Variants in KIRREL3 observed in about 807,000 individuals in gnomAD.
KIRREL3 encodes the protein kin of IRRE-like protein 3.
In KIRREL3, 36 loss-of-function variants were observed where a neutral mutation model predicts 89.7. The observed-to-expected ratio is 0.40, with a 90% CI of 0.31 to 0.53. The LOEUF is 0.53. Ranked by LOEUF, KIRREL3 falls within the 20% of genes least tolerant of loss-of-function variation. KIRREL3 has a pLI of 0.49. For synonymous variants in KIRREL3, 445 were observed against 441.4 expected (o/e 1.01, Z -0.10); for missense variants, 864 against 1,056.6 (o/e 0.82, Z 2.53).
At chr11:126,828,631 G>A (rs1943498649) in intron 1 of KIRREL3, among the ~76,000 whole-genome samples, 2 of 152,214 alleles carry the variant, frequency 1.3e-5, no homozygotes, top group African/African-American at 4.8e-5. Flanking sequence ...CGAGAATGGT[G>A]CTTCCTTAGG....
In KIRREL3 at chr11:126,677,913, C is replaced by A. The variant is rs1660587246; in HGVS notation, c.56-115001G>T. ...GATTATGGCTGTTGTCACCACCAAG[C>A]CCTGTCTTGTCATCAGCCTCAGTGT... On this transcript the variant is annotated intron_variant, in intron 1 of 16. Transcript: ENST00000525144. The surrounding 1 kb of genome is among the most constrained non-coding windows in gnomAD (Gnocchi z 5.1). Among the ~76,000 whole-genome samples, 1 of 152,138 alleles carries A rather than the reference C, an allele frequency of 6.6e-6. No homozygotes were observed. The highest frequency in any genetic ancestry group is 2.1e-4 in the South Asian group (1 of 4,822).
rs1422633004 is a variant in KIRREL3 at position 126,782,092 on chromosome 11, TCC to T, written c.55+218361_55+218362del. Among the ~76,000 whole-genome samples, 3 of 152,130 alleles carry T rather than the reference TCC, an allele frequency of 2.0e-5. No individual in the cohort carries two copies. The highest frequency in any genetic ancestry group is 7.2e-5 in the African/African-American group (3 of 41,414). On this transcript the variant is annotated intron_variant, in intron 1 of 16. Transcript: ENST00000525144. The surrounding 1 kb of genome is among the most constrained non-coding windows in gnomAD (Gnocchi z 4.1). The stretch of plus-strand genomic sequence containing the variant: ...ATGTGCTCAGCATATAATTTCCTCC[TCC>T]TGGGTTCACAGGAAGACAGGCATTG...
rs202048450 is a variant in KIRREL3, at chr11:126,695,960, A to G, written c.56-133048T>C. 1.6e-4 allele frequency among the ~76,000 whole-genome samples: 25 copies of G among 152,240 alleles called. No homozygotes were observed. The East Asian group carries it at 4.4e-3, about 27-fold the overall frequency. ...CTGCCTCCTCATATGCTTTGCTAAG[A>G]AAACCTGGATGAGTCGGGCGAGGTG... On this transcript the variant is annotated intron_variant, in intron 1 of 16. Coordinates refer to ENST00000525144, the MANE Select transcript of KIRREL3 (RefSeq NM_032531.4).
intron 1 of KIRREL3, chr11:126,944,966 G>A (rs1948575400): frequency 2.6e-5 from 4 of 152,144 alleles, no homozygotes; most frequent in Admixed American, 2.6e-4. Flanking sequence ...GTTTACTGGA[G>A]TCCTATGTGG....
At chr11:126,727,762 C>T (rs12799460) in intron 1 of KIRREL3, among the ~76,000 whole-genome samples, 9,088 of 152,298 alleles carry the variant, frequency 0.06, 460 homozygotes, top group African/African-American at 0.13. Flanking sequence ...TACGGAAACG[C>T]TGTCTCTGTG....
At position 126,526,398 on chromosome 11, in the gene KIRREL3, ACTCT is replaced by A; in HGVS notation, c.283+136_283+139del. On this transcript the variant is annotated intron_variant, in intron 3 of 16. Transcript: ENST00000525144. The surrounding 1 kb of genome is among the most constrained non-coding windows in gnomAD (Gnocchi z 5.7). ...CTGGGTGCAGTGCTTGCCTAGCCTG[ACTCT>A]GCCTGAGGAGTTGCAGTGAAAGCTA... 1.2e-6 allele frequency: 1 copy of A among 822,494 alleles called. No individual in the cohort carries two copies. Among genetic ancestry groups the A allele is most frequent in the Non-Finnish European group, 1.9e-6 (1 of 528,404 alleles). 50.9% of individuals were successfully genotyped at this position (822,494 alleles called of 1,614,324 possible). A position where few individuals can be genotyped will look rare whatever the true frequency, so the allele number is the denominator to read the frequency against.
chr11:126,694,558 G>A lies in KIRREL3; in HGVS notation c.56-131646C>T, dbSNP rs1947010831. Among the ~76,000 whole-genome samples, 1 of 152,170 alleles carries A rather than the reference G, an allele frequency of 6.6e-6. No homozygotes were observed. Among genetic ancestry groups the A allele is most frequent in the Non-Finnish European group, 1.5e-5 (1 of 68,032 alleles). On this transcript the variant is annotated intron_variant, in intron 1 of 16. Coordinates refer to ENST00000525144, the MANE Select transcript of KIRREL3 (RefSeq NM_032531.4). The surrounding 1 kb of genome is among the most constrained non-coding windows in gnomAD (Gnocchi z 4.4). Reference sequence around the variant, plus strand: ...ATGCTGTTCTAGGGCAGGTTTGGGGGTGCTGACTAGGCCTTCACACAAAGA... The same window carrying A: ...ATGCTGTTCTAGGGCAGGTTTGGGGATGCTGACTAGGCCTTCACACAAAGA...
In KIRREL3 at chr11:126,911,982, CAAAAAAAAAAA is replaced by C. The variant is rs34548052; in HGVS notation, c.55+88462_55+88472del. Among the ~76,000 whole-genome samples the C allele has an allele frequency of 4.3e-4, 39 of 91,702 alleles. 1 individual carries two copies. The highest frequency in any genetic ancestry group is 1.4e-3 in the Admixed American group (11 of 8,142). The allele number at this position is 91,702 out of a possible 152,430, so 60.2% of individuals were successfully genotyped here. A position where few individuals can be genotyped will look rare whatever the true frequency, so the allele number is the denominator to read the frequency against. On this transcript the variant is annotated intron_variant, in intron 1 of 16. Transcript: ENST00000525144. Reference sequence around the variant, plus strand: ...TGGGCGACAGAGCGAGACTCTGTCTCAAAAAAAAAAAAAAAAAAAAAGAACGGCAACTGGGA... The same window carrying C: ...TGGGCGACAGAGCGAGACTCTGTCTCAAAAAAAAAAGAACGGCAACTGGGA...
intron 1 of KIRREL3, among the ~76,000 whole-genome samples, chr11:126,963,943 G>C (rs1350081670): frequency 6.6e-6 from 1 of 152,190 alleles, no homozygotes; most frequent in Non-Finnish European, 1.5e-5. Context: ...CATAACGGAA[G>C]AGGGATGTGT....
intron 1 of KIRREL3, among the ~76,000 whole-genome samples, chr11:126,998,824 T>C (rs1950241502): frequency 6.6e-6 from 1 of 152,126 alleles, no homozygotes; most frequent in African/African-American, 2.4e-5. Context: ...AGTTTGTGTG[T>C]TTACGGGGGG....
chr11:126,451,336 G>GTGTGCATGTGTGAGCA (rs1340855195), intron 7 of KIRREL3, among the ~76,000 whole-genome samples: 2 of 56,768 alleles, frequency 3.5e-5, no homozygotes, highest in Non-Finnish European at 3.2e-5. Flanking sequence ...ATTAGTGAGT[G>GTGTGCATGTGTGAGCA]TGTGCATGTG....
intron 7 of KIRREL3, among the ~76,000 whole-genome samples, chr11:126,451,034 T>C (rs908136286): frequency 2.6e-5 from 4 of 151,284 alleles, no homozygotes; most frequent in Admixed American, 6.6e-5. Context: ...TGTGCATGTG[T>C]ACATGTGTGA....
At chr11:126,453,194 CA>C (rs1026203292) in intron 7 of KIRREL3, among the ~76,000 whole-genome samples, 4 of 152,080 alleles carry the variant, frequency 2.6e-5, no homozygotes, top group East Asian at 1.9e-4. Flanking sequence ...ATCACAGAAT[CA>C]GGGGGGCTGG....
rs1345958878 is a variant in KIRREL3, at chr11:126,742,828, C to T, written c.56-179916G>A. On this transcript the variant is annotated intron_variant, in intron 1 of 16. Transcript: ENST00000525144. This position sits in a 1 kb window ranked among gnomAD's most constrained non-coding sequence, Gnocchi z 5.3. ...TGCCACATCACTGGCACATTCGTTG[C>T]TGGGCAACGTGGCTCCTCTCTGAAG... Among the ~76,000 whole-genome samples, 1 of 152,240 alleles carries T rather than the reference C, an allele frequency of 6.6e-6. No individual in the cohort carries two copies. The highest frequency in any genetic ancestry group is 2.4e-5 in the African/African-American group (1 of 41,468).
Position 126,498,135 on chromosome 11 carries a change from T to G in KIRREL3, c.433+23180A>C, listed in dbSNP as rs1462225292. 6.6e-6 allele frequency among the ~76,000 whole-genome samples: 1 copy of G among 152,210 alleles called. No individual in the cohort carries two copies. The highest frequency in any genetic ancestry group is 1.5e-5 in the Non-Finnish European group (1 of 68,030). ...GTAGCTCTACTGCATCACACTGGTC[T>G]GGACCAAGCTGATTGAGTGAAAGGG... On this transcript the variant is annotated intron_variant, in intron 4 of 16. Coordinates refer to ENST00000525144, the MANE Select transcript of KIRREL3 (RefSeq NM_032531.4). The surrounding 1 kb of genome is among the most constrained non-coding windows in gnomAD (Gnocchi z 4.3).
chr11:126,608,027 C>CGT lies in KIRREL3; in HGVS notation c.56-45117_56-45116dup, dbSNP rs371889252. ...CTTTCTCATCATCTCCCGTGCCTGC[C>CGT]GTGCTGTCTCTTACCAACCCAGGAG... On this transcript the variant is annotated intron_variant, in intron 1 of 16. Transcript: ENST00000525144. The surrounding 1 kb of genome is among the most constrained non-coding windows in gnomAD (Gnocchi z 4.9). 6.1e-3 allele frequency among the ~76,000 whole-genome samples: 923 copies of CGT among 152,318 alleles called. 14 individuals are homozygous for CGT. The highest frequency in any genetic ancestry group is 0.021 in the African/African-American group (888 of 41,568).
At chr11:126,542,665 T>C (rs1000587922) in intron 2 of KIRREL3, among the ~76,000 whole-genome samples, 2 of 152,130 alleles carry the variant, frequency 1.3e-5, no homozygotes, top group Admixed American at 6.5e-5. Context: ...TCACACCTTA[T>C]CTAGGAAGGG....
Position 126,923,200 on chromosome 11 carries a change from T to TCTTCTTCTTCTC in KIRREL3, c.55+77254_55+77255insGAGAAGAAGAAG, listed in dbSNP as rs1947477576. Among the ~76,000 whole-genome samples the TCTTCTTCTTCTC allele has an allele frequency of 4.5e-4, 3 of 6,666 alleles. 1 individual carries two copies. The highest frequency in any genetic ancestry group is 1.6e-3 in the Admixed American group (1 of 630). 4.4% of individuals were successfully genotyped at this position (6,666 alleles called of 152,430 possible). On this transcript the variant is annotated intron_variant, in intron 1 of 16. Coordinates refer to ENST00000525144, the MANE Select transcript of KIRREL3 (RefSeq NM_032531.4). ...TCTCTTCTTCTTCTCTTCTTCTTCT[T>TCTTCTTCTTCTC]CTTCTTCTTCTTCTTCTTCTTCTTC... is the stretch of plus-strand genomic sequence containing the variant.
intron 1 of KIRREL3, among the ~76,000 whole-genome samples, chr11:126,673,626 T>G (rs1946055648): frequency 6.6e-6 from 1 of 152,112 alleles, no homozygotes; most frequent in South Asian, 2.1e-4. Context: ...GAATGAAAAA[T>G]AAATGAGGGC....
Sources: allele counts gnomAD v4.1 joint callset (sites outside exome capture counted in the v4.1 genomes callset), GRCh38; gene constraint gnomAD v4.1.1; non-coding constraint Gnocchi (gnomAD v3.1); transcripts MANE v1.5; gene names NCBI Gene and HGNC (gene_info 2026-07-23, HGNC 2026-07-21).